The following RASA3 variants were observed in gnomAD, a reference collection of about 807,000 sequenced individuals.
The protein encoded by RASA3 is RAS p21 protein activator 3.
In RASA3, 73 loss-of-function variants were observed where a neutral mutation model predicts 110.0. That is an observed-to-expected ratio of 0.66 (90% CI 0.55 to 0.81). The LOEUF (loss-of-function observed/expected upper bound fraction) is 0.81, where lower values mean the gene tolerates loss of function less well. Ranked by LOEUF, RASA3 falls within the 30% of genes least tolerant of loss-of-function variation. RASA3 has a pLI of 0.00. For missense variants in RASA3, 976 were observed against 1,113.2 expected (o/e 0.88, Z 1.75); for synonymous variants, 500 against 451.4 (o/e 1.11, Z -1.37).
intron 4 of RASA3, among the ~76,000 whole-genome samples, chr13:114,039,349 C>T (rs1446280429): frequency 6.8e-6 from 1 of 147,360 alleles, no homozygotes; most frequent in Non-Finnish European, 1.5e-5. Flanking sequence ...AGCAACCCTA[C>T]ACTCAGACAC....
intron 21 of RASA3, among the ~76,000 whole-genome samples, chr13:113,995,339 C>A (rs1486590172): frequency 6.6e-6 from 1 of 152,246 alleles, no homozygotes; most frequent in Non-Finnish European, 1.5e-5. Flanking sequence ...GCAGCCAGGC[C>A]CCCTTCCTGA....
chr13:114,073,975 T>A, intron 1 of RASA3, 138 bp from the exon 2 acceptor site: 1 of 761,212 alleles, frequency 1.3e-6, no homozygotes, highest in Non-Finnish European at 2.3e-6. Flanking sequence ...CCACCACAAG[T>A]CAAAATGTGG....
chr13:114,120,902 G>T (rs1047416105), intron 1 of RASA3, among the ~76,000 whole-genome samples: 2 of 152,212 alleles, frequency 1.3e-5, no homozygotes, highest in Non-Finnish European at 2.9e-5. Context: ...GGATCAAGAT[G>T]ATTCCCAGAG....
intron 1 of RASA3, among the ~76,000 whole-genome samples, chr13:114,117,192 A>G (rs866728928): frequency 1.4e-3 from 30 of 21,594 alleles, no homozygotes; most frequent in Admixed American, 1.9e-3. Context: ...GTGTGTGAGG[A>G]GAGCACGTGT....
At chr13:114,051,117 C>G (rs2079138759) in intron 3 of RASA3, among the ~76,000 whole-genome samples, 2 of 152,188 alleles carry the variant, frequency 1.3e-5, no homozygotes, top group African/African-American at 4.8e-5. Context: ...CCTGCACCCC[C>G]GGGCCCTCAG....
intron 3 of RASA3, among the ~76,000 whole-genome samples, chr13:114,041,693 G>A (rs9562208): frequency 0.35 from 53,089 of 152,250 alleles, 11,070 homozygotes; most frequent in African/African-American, 0.59. Context: ...TTCCGTGTGT[G>A]TGGACACGCA....
In RASA3 at chr13:114,065,533, G is replaced by C. The variant is rs1213852063; in HGVS notation, c.173+8187C>G. On this transcript the variant is annotated intron_variant, in intron 2 of 23. Coordinates refer to ENST00000334062, the MANE Select transcript of RASA3 (RefSeq NM_007368.4). The surrounding 1 kb of genome is among the most constrained non-coding windows in gnomAD (Gnocchi z 4.1). Reference sequence around the variant, plus strand: ...ATCCTCAGAGGCGCCCCACAGAGAAGGGGCAACTTGGCCAGGGAAAATGCT... The same window carrying C: ...ATCCTCAGAGGCGCCCCACAGAGAACGGGCAACTTGGCCAGGGAAAATGCT... Among the ~76,000 whole-genome samples the C allele has an allele frequency of 2.0e-5, 3 of 152,192 alleles. No homozygotes were observed. The highest frequency in any genetic ancestry group is 1.3e-4 in the Admixed American group (2 of 15,280).
rs773223446 is a variant in RASA3, at chr13:113,997,003, G to A, written c.1933-264C>T. On this transcript the variant is annotated intron_variant, in intron 20 of 23. Coordinates refer to ENST00000334062, the MANE Select transcript of RASA3 (RefSeq NM_007368.4). ...GGTGCAGCTGGAGATGTGGCCAGGTGGCCAGGAACAGCTTGGCCAAGGCCC... is the reference window on the plus strand; with the variant it reads ...GGTGCAGCTGGAGATGTGGCCAGGTAGCCAGGAACAGCTTGGCCAAGGCCC... Among the ~76,000 whole-genome samples, 8 of 152,256 alleles carry A rather than the reference G, an allele frequency of 5.3e-5. No homozygotes were observed. In the South Asian group the frequency reaches 1.0e-3, roughly 20 times the overall value.
At chr13:114,034,821 G>C (rs1050487666) in intron 4 of RASA3, among the ~76,000 whole-genome samples, 21 of 152,336 alleles carry the variant, frequency 1.4e-4, no homozygotes, top group African/African-American at 4.8e-4. Flanking sequence ...GGGATGAAGC[G>C]GGAGCCGTGC....
chr13:114,050,319 G>A (rs1043047452), intron 3 of RASA3, among the ~76,000 whole-genome samples: 29 of 152,214 alleles, frequency 1.9e-4, no homozygotes, highest in African/African-American at 6.0e-4. Flanking sequence ...TTCTGCAGCC[G>A]CATTTCAGGG....
In RASA3 at chr13:114,056,527, C is replaced by T; in HGVS notation, c.174-4372G>A. On this transcript the variant is annotated intron_variant, in intron 2 of 23. Transcript: ENST00000334062. The surrounding 1 kb of genome is among the most constrained non-coding windows in gnomAD (Gnocchi z 5.7). ...TGCCCGGTAGCGGGGTGTTCAGTTG[C>T]TCTGCCAAAGGCTCTGCACAAGTGG... 1 of 985,112 alleles carries T rather than the reference C, an allele frequency of 1.0e-6. No individual in the cohort carries two copies. The allele number at this position is 985,112 out of a possible 1,614,324, so 61.0% of individuals were successfully genotyped here. A position where few individuals can be genotyped will look rare whatever the true frequency, so the allele number is the denominator to read the frequency against.
At chr13:113,997,679 G>A (rs1048140141) in intron 20 of RASA3, among the ~76,000 whole-genome samples, 1 of 152,156 alleles carries the variant, frequency 6.6e-6, no homozygotes, top group African/African-American at 2.4e-5. Context: ...CGGCTCTGTT[G>A]CACACAGAAG....
intron 3 of RASA3, among the ~76,000 whole-genome samples, chr13:114,045,888 A>G (rs2079044701): frequency 6.6e-6 from 1 of 152,084 alleles, no homozygotes; most frequent in South Asian, 2.1e-4. Flanking sequence ...CAAAATGTGT[A>G]GGCTGAAAAC....
Position 114,009,378 on chromosome 13 carries a change from G to T in RASA3, c.1668+9C>A. On this transcript the variant is annotated intron_variant, in intron 17 of 23. Coordinates refer to ENST00000334062, the MANE Select transcript of RASA3 (RefSeq NM_007368.4). ...CACACGGGCGGTCGGAGGGTGAGTC[G>T]ATACTTACGTTCTTCACCGCATCAG... 3 of 1,607,688 alleles carry T rather than the reference G, an allele frequency of 1.9e-6. No homozygotes were observed. The highest frequency in any genetic ancestry group is 2.6e-6 in the Non-Finnish European group (3 of 1,175,302).
chr13:114,123,420 G>C (rs1197154707), intron 1 of RASA3, among the ~76,000 whole-genome samples: 1 of 152,220 alleles, frequency 6.6e-6, no homozygotes, highest in Non-Finnish European at 1.5e-5. Flanking sequence ...GGGCCCTCAG[G>C]TACTCTGTGC....
intron 22 of RASA3, among the ~76,000 whole-genome samples, chr13:113,991,909 CACATTCACTCTCATACATGTCATGTCCAT>C (rs1036629118): frequency 1.4e-4 from 22 of 151,806 alleles, no homozygotes; most frequent in Middle Eastern, 3.4e-3. Flanking sequence ...CATGTACCCA[CACATTCACTCTCATACATGTCATGTCCAT>C]ACATTCACAC....
rs150117300 is a variant in RASA3 at position 114,076,877 on chromosome 13, C to T, written c.56-3040G>A. 2.4e-4 allele frequency among the ~76,000 whole-genome samples: 37 copies of T among 152,342 alleles called. 2 individuals carry two copies. The East Asian group carries it at 7.0e-3, about 29-fold the overall frequency. ...AACACAGCTTGACTTTGCTGACTTTCCTTCTGACACCTTTACAGTGTGACC... is the reference window on the plus strand; with the variant it reads ...AACACAGCTTGACTTTGCTGACTTTTCTTCTGACACCTTTACAGTGTGACC... On this transcript the variant is annotated intron_variant, in intron 1 of 23. Transcript: ENST00000334062.
chr13:114,030,818 T>C (rs958615514), intron 4 of RASA3, among the ~76,000 whole-genome samples: 1 of 151,894 alleles, frequency 6.6e-6, no homozygotes, highest in African/African-American at 2.4e-5. Flanking sequence ...CCTGTGTCTG[T>C]GCATCTGGCT....
chr13:114,097,807 C>T (rs756558692), intron 1 of RASA3, among the ~76,000 whole-genome samples: 7 of 152,276 alleles, frequency 4.6e-5, no homozygotes, highest in East Asian at 1.9e-4. Flanking sequence ...GGACGGGGGA[C>T]GCAGCCTATG....
Sources: allele counts gnomAD v4.1 joint callset (sites outside exome capture counted in the v4.1 genomes callset), GRCh38; gene constraint gnomAD v4.1.1; non-coding constraint Gnocchi (gnomAD v3.1); transcripts MANE v1.5; gene names NCBI Gene and HGNC (gene_info 2026-07-23, HGNC 2026-07-21).